RNF220: variants seen among roughly 807,000 people sequenced by gnomAD.
The protein encoded by RNF220 is E3 ubiquitin-protein ligase RNF220.
RNF220 carries 7 observed loss-of-function variants against 67.1 expected under a neutral mutation model. The observed-to-expected ratio is 0.10, with a 90% CI of 0.06 to 0.20. The LOEUF is 0.20. Among genes scored for constraint, RNF220 ranks in the 10% least tolerant of loss-of-function variants. The probability of loss-of-function intolerance (pLI) is 1.00; values close to 1 mark genes in which losing one functional copy is unlikely to be tolerated. For synonymous variants in RNF220, 270 were observed against 283.2 expected (o/e 0.95, Z 0.47); for missense variants, 565 against 740.3 (o/e 0.76, Z 2.75).
chr1:44,622,887 C>T lies in RNF220; in HGVS notation c.804+100C>T, dbSNP rs546714357. On this transcript the variant is annotated intron_variant, in intron 4 of 14. Transcript: ENST00000361799. This position sits in a 1 kb window ranked among gnomAD's most constrained non-coding sequence, Gnocchi z 4.3. Reference sequence around the variant, plus strand: ...AAAGGAGCTTTTCTAGTATCCTCAACTATCTCCAGCTTTTCTAATATCCTC... The same window carrying T: ...AAAGGAGCTTTTCTAGTATCCTCAATTATCTCCAGCTTTTCTAATATCCTC... 27 of 946,120 alleles carry T rather than the reference C, an allele frequency of 2.9e-5. No homozygotes were observed. The highest frequency in any genetic ancestry group is 4.3e-5 in the Non-Finnish European group (25 of 585,594). 58.6% of individuals were successfully genotyped at this position (946,120 alleles called of 1,614,324 possible).
At chr1:44,486,160 G>A (rs1173217323) in intron 2 of RNF220, among the ~76,000 whole-genome samples, 5 of 151,998 alleles carry the variant, frequency 3.3e-5, no homozygotes, top group Admixed American at 6.6e-5. Context: ...TTATGAAATA[G>A]GGGCTGCCCT....
At chr1:44,540,912 G>A (rs558637344) in intron 2 of RNF220, among the ~76,000 whole-genome samples, 3 of 152,084 alleles carry the variant, frequency 2.0e-5, no homozygotes, top group East Asian at 3.9e-4. Flanking sequence ...TGATTTCCTC[G>A]TTTTTTGGGG....
At chr1:44,405,647 G>C (rs1219837732) in intron 1 of RNF220, 117 bp downstream of exon 1, 1 of 261,656 alleles carries the variant, frequency 3.8e-6, no homozygotes, top group Admixed American at 5.6e-5. Flanking sequence ...CTAGGGATTC[G>C]GGCGGTTCCC....
In RNF220 at chr1:44,412,351, A is replaced by G. The variant is rs1648049915; in HGVS notation, c.254A>G (p.Asn85Ser). 1.9e-6 allele frequency: 3 copies of G among 1,614,112 alleles called. No individual in the cohort carries two copies. Among genetic ancestry groups the G allele is most frequent in the African/African-American group, 1.3e-5 (1 of 75,022 alleles). ...GGTGGGGTGCCAGGCACTTTTGCCA[A>G]TCGTGATTTCCCCCCTTCTCTACTA... The part of the protein sequence containing the change: ...RQGGVPGTFA[N>S]RDFPPSLLHL... The change falls in exon 2 of 15, where the codon AAT (asparagine) becomes AGT (serine). Residue 85 changes from asparagine to serine, a missense_variant. Asn to Ser is a conservative substitution (Grantham distance 46). Coordinates refer to ENST00000361799, the MANE Select transcript of RNF220 (RefSeq NM_018150.4). The surrounding 1 kb of genome is among the most constrained non-coding windows in gnomAD (Gnocchi z 5.3).
intron 2 of RNF220, among the ~76,000 whole-genome samples, chr1:44,516,810 C>A (rs61787522): frequency 0.13 from 19,389 of 152,110 alleles, 1,561 homozygotes; most frequent in Middle Eastern, 0.19. Flanking sequence ...TTTTTGTCCT[C>A]TCCTGTCCCC....
chr1:44,435,394 T>A (rs915045322), intron 2 of RNF220, among the ~76,000 whole-genome samples: 1 of 152,204 alleles, frequency 6.6e-6, no homozygotes, highest in African/African-American at 2.4e-5. Flanking sequence ...ATAATGTATT[T>A]ATAACATGGT....
At chr1:44,493,353 A>C (rs1308839048) in intron 2 of RNF220, among the ~76,000 whole-genome samples, 1 of 152,042 alleles carries the variant, frequency 6.6e-6, no homozygotes, top group Non-Finnish European at 1.5e-5. Context: ...GTCTCTACTA[A>C]AAATACGAAA....
chr1:44,580,947 A>G (rs1240684189), intron 2 of RNF220, among the ~76,000 whole-genome samples: 1 of 152,146 alleles, frequency 6.6e-6, no homozygotes, highest in African/African-American at 2.4e-5. Flanking sequence ...TTGATTTTGA[A>G]TAGAGCTTCC....
chr1:44,535,680 G>A (rs1661165832), intron 2 of RNF220, among the ~76,000 whole-genome samples: 1 of 152,200 alleles, frequency 6.6e-6, no homozygotes, highest in South Asian at 2.1e-4. Context: ...CACCAGCACA[G>A]CACAGGCAAA....
intron 2 of RNF220, among the ~76,000 whole-genome samples, chr1:44,567,764 T>C (rs1664131399): frequency 6.6e-6 from 1 of 152,108 alleles, no homozygotes; most frequent in Non-Finnish European, 1.5e-5. Context: ...TGACTGGAGC[T>C]CATGGAGCTC....
At position 44,488,727 on chromosome 1, in the gene RNF220, C is replaced by CTT. The variant is rs55968850; in HGVS notation, c.625+76025_625+76026dup. Among the ~76,000 whole-genome samples, 151 of 102,536 alleles carry CTT rather than the reference C, an allele frequency of 1.5e-3. 1 individual carries two copies. The highest frequency in any genetic ancestry group is 4.3e-3 in the South Asian group (12 of 2,822). The allele number at this position is 102,536 out of a possible 152,430, so 67.3% of individuals were successfully genotyped here. A position where few individuals can be genotyped will look rare whatever the true frequency, so the allele number is the denominator to read the frequency against. On this transcript the variant is annotated intron_variant, in intron 2 of 14. Transcript: ENST00000361799. Reference sequence around the variant, plus strand: ...CTTAGCCTTTTTCTTTTTCTTTTTTCTTTTTTTTTTTTTTTTTTTTTGAGA... The same window carrying CTT: ...CTTAGCCTTTTTCTTTTTCTTTTTTCTTTTTTTTTTTTTTTTTTTTTTTGAGA...
rs1018891627 is a variant in RNF220, at chr1:44,624,607, G to A, written c.805-1690G>A. 3.9e-5 allele frequency among the ~76,000 whole-genome samples: 6 copies of A among 152,038 alleles called. No homozygotes were observed. Among genetic ancestry groups the A allele is most frequent in the African/African-American group, 9.7e-5 (4 of 41,398 alleles). On this transcript the variant is annotated intron_variant, in intron 4 of 14. Transcript: ENST00000361799. This position sits in a 1 kb window ranked among gnomAD's most constrained non-coding sequence, Gnocchi z 4.2. Reference sequence around the variant, plus strand: ...CCTCTGCCTTGACCTAGGCTTTAGGGAAGCAGGTCGTGAGTGGAAGAGGCG... The same window carrying A: ...CCTCTGCCTTGACCTAGGCTTTAGGAAAGCAGGTCGTGAGTGGAAGAGGCG...
chr1:44,409,719 T>A (rs1449034343), intron 1 of RNF220, among the ~76,000 whole-genome samples: 2 of 152,250 alleles, frequency 1.3e-5, no homozygotes, highest in Non-Finnish European at 2.9e-5. Context: ...AATCCATATT[T>A]TTTTAATTAA....
intron 2 of RNF220, among the ~76,000 whole-genome samples, chr1:44,449,425 C>A (rs1299387150): frequency 2.0e-5 from 3 of 151,958 alleles, no homozygotes; most frequent in Admixed American, 2.0e-4. Flanking sequence ...ACTGTATATT[C>A]TACCTTTTTT....
chr1:44,420,265 C>A (rs1311267047), intron 2 of RNF220, among the ~76,000 whole-genome samples: 3 of 152,172 alleles, frequency 2.0e-5, no homozygotes, highest in African/African-American at 7.2e-5. Flanking sequence ...GAAGAAGGAA[C>A]CTTTTGGTAC....
rs182309220 is a variant in RNF220, at chr1:44,504,735, T to C, written c.625+92013T>C. On this transcript the variant is annotated intron_variant, in intron 2 of 14. Coordinates refer to ENST00000361799, the MANE Select transcript of RNF220 (RefSeq NM_018150.4). ...GTCTCATTGGCATCAGTATCTTTTTTGGCACAGACCGAGAATCTCTTTTTG... is the reference window on the plus strand; with the variant it reads ...GTCTCATTGGCATCAGTATCTTTTTCGGCACAGACCGAGAATCTCTTTTTG... Among the ~76,000 whole-genome samples the C allele has an allele frequency of 5.9e-5, 9 of 152,342 alleles. No individual in the cohort carries two copies. The East Asian group carries it at 1.7e-3, about 29-fold the overall frequency.
At position 44,565,287 on chromosome 1, in the gene RNF220, CAGGGAGGG is replaced by C. The variant is rs958106496; in HGVS notation, c.626-48864_626-48857del. 1.6e-5 allele frequency among the ~76,000 whole-genome samples: 2 copies of C among 127,266 alleles called. No homozygotes were observed. Among genetic ancestry groups the C allele is most frequent in the Admixed American group, 1.6e-4 (2 of 12,242 alleles). The allele number at this position is 127,266 out of a possible 152,430, so 83.5% of individuals were successfully genotyped here. On this transcript the variant is annotated intron_variant, in intron 2 of 14. Coordinates refer to ENST00000361799, the MANE Select transcript of RNF220 (RefSeq NM_018150.4). This position sits in a 1 kb window ranked among gnomAD's most constrained non-coding sequence, Gnocchi z 4.2. ...CCAATCTGGAAGCCTGGGGAAAATG[CAGGGAGGG>C]AGGGAGGGAGGGAAGAAGGAGGCAG...
intron 2 of RNF220, among the ~76,000 whole-genome samples, chr1:44,450,744 G>A (rs1452841962): frequency 1.3e-5 from 2 of 152,170 alleles, no homozygotes; most frequent in African/African-American, 4.8e-5. Flanking sequence ...TTTACTTCCA[G>A]TTTTTCATAA....
chr1:44,426,060 A>G (rs1649738757), intron 2 of RNF220, among the ~76,000 whole-genome samples: 1 of 152,244 alleles, frequency 6.6e-6, no homozygotes, highest in African/African-American at 2.4e-5. Flanking sequence ...TTTTCTATAC[A>G]GACATCTCAG....
Sources: gnomAD v4.1 joint callset for allele counts (sites outside exome capture counted in the v4.1 genomes callset) on GRCh38, gnomAD v4.1.1 for gene constraint, Gnocchi (gnomAD v3.1) non-coding constraint, MANE v1.5 for transcripts, NCBI Gene and HGNC (gene_info 2026-07-23, HGNC 2026-07-21) for gene names.